PTBP2: variants seen among roughly 807,000 people sequenced by gnomAD.
The protein encoded by PTBP2 is polypyrimidine tract binding protein 2, also known as polypyrimidine tract-binding protein 2.
In PTBP2, 13 loss-of-function variants were observed where a neutral mutation model predicts 61.4. The observed-to-expected ratio is 0.21, with a 90% CI of 0.14 to 0.34. The LOEUF (loss-of-function observed/expected upper bound fraction) is 0.34, where lower values mean the gene tolerates loss of function less well. PTBP2 is among the 10% of genes least tolerant of loss of function. The pLI is 1.00. For missense variants in PTBP2, 405 were observed against 642.6 expected (o/e 0.63, Z 4.00); for synonymous variants, 215 against 218.5 (o/e 0.98, Z 0.14).
chr1:96,726,107 A>T lies in PTBP2; in HGVS notation c.39+2513A>T, dbSNP rs1454389282. On this transcript the variant is annotated intron_variant, in intron 2 of 13. Coordinates refer to ENST00000674951, the MANE Select transcript of PTBP2 (RefSeq NM_021190.4). The stretch of plus-strand genomic sequence containing the variant: ...AAAAAAAAAAAAAAAAAAAAAAAAA[A>T]AAAATTCAAACTGCTTCACAGCTTT... Among the ~76,000 whole-genome samples the T allele has an allele frequency of 1.2e-4, 17 of 141,334 alleles. No individual in the cohort carries two copies. The East Asian group carries it at 3.6e-3, about 30-fold the overall frequency. The allele number at this position is 141,334 out of a possible 152,430, so 92.7% of individuals were successfully genotyped here. A position where few individuals can be genotyped will look rare whatever the true frequency, so the allele number is the denominator to read the frequency against.
At chr1:96,722,031 C>T (rs903934423) in intron 1 of PTBP2, among the ~76,000 whole-genome samples, 159 bp downstream of exon 1, 1 of 152,010 alleles carries the variant, frequency 6.6e-6, no homozygotes, top group African/African-American at 2.4e-5. Flanking sequence ...CCCTTTGCTT[C>T]CCCCGGCGGG....
downstream of PTBP2, chr1:96,819,336 C>T (rs1028020950): frequency 1.3e-5 from 2 of 151,970 alleles, no homozygotes; most frequent in Non-Finnish European, 1.5e-5. Context: ...AGTATGCCTT[C>T]AGGGGCTATT....
intron 2 of PTBP2, among the ~76,000 whole-genome samples, chr1:96,747,024 T>A (rs1035925477): frequency 4.0e-5 from 6 of 151,516 alleles, no homozygotes; most frequent in East Asian, 3.9e-4. Flanking sequence ...GCAATACAAG[T>A]GATCCTGTCA....
intron 7 of PTBP2, among the ~76,000 whole-genome samples, chr1:96,783,182 C>T (rs1355488085): frequency 6.6e-6 from 1 of 151,922 alleles, no homozygotes; most frequent in Non-Finnish European, 1.5e-5. Flanking sequence ...ATTTTACTCC[C>T]TTTCTTATTT....
intron 4 of PTBP2, among the ~76,000 whole-genome samples, chr1:96,770,224 A>G (rs1347208570): frequency 1.3e-5 from 2 of 152,062 alleles, no homozygotes; most frequent in Admixed American, 6.5e-5. Context: ...TTATGAGAAT[A>G]TGAAATTTTA....
chr1:96,791,826 C>CTTTTTTTTGTATTTTTTTTTTT (rs1482989030), intron 8 of PTBP2, among the ~76,000 whole-genome samples: 1 of 66,128 alleles, frequency 1.5e-5, no homozygotes, highest in African/African-American at 8.2e-5. Context: ...TGGAGTTGTG[C>CTTTTTTTTGTATTTTTTTTTTT]TTTTTTTTTT....
Position 96,721,882 on chromosome 1 carries a change from C to A in PTBP2, c.8+10C>A. ...GTTCGGCAATGGACGGGTATGTAATCGGGCCGGCGAGAAGGTGTGTGTGAG... is the reference window on the plus strand; with the variant it reads ...GTTCGGCAATGGACGGGTATGTAATAGGGCCGGCGAGAAGGTGTGTGTGAG... On this transcript the variant is annotated intron_variant, in intron 1 of 13. Coordinates refer to ENST00000674951, the MANE Select transcript of PTBP2 (RefSeq NM_021190.4). 6.3e-7 allele frequency: 1 copy of A among 1,574,848 alleles called. No homozygotes were observed. The highest frequency in any genetic ancestry group is 8.6e-7 in the Non-Finnish European group (1 of 1,160,020).
intron 2 of PTBP2, among the ~76,000 whole-genome samples, chr1:96,728,698 C>G (rs540713551): frequency 6.6e-6 from 1 of 151,938 alleles, no homozygotes; most frequent in African/African-American, 2.4e-5. Context: ...TGAGTCAGTT[C>G]TTAGAAAAAC....
At chr1:96,755,264 T>C (rs1237502771) in intron 3 of PTBP2, among the ~76,000 whole-genome samples, 2 of 152,194 alleles carry the variant, frequency 1.3e-5, no homozygotes, top group African/African-American at 2.4e-5. Context: ...TCATTAGTTA[T>C]TAGGGAAATG....
rs1040390548 is a variant in PTBP2 at position 96,814,241 on chromosome 1, G to A, written c.*836G>A. 3.9e-5 allele frequency: 6 copies of A among 152,600 alleles called. No individual in the cohort carries two copies. Among genetic ancestry groups the A allele is most frequent in the African/African-American group, 1.2e-4 (5 of 41,558 alleles). 9.5% of individuals were successfully genotyped at this position (152,600 alleles called of 1,614,324 possible). A position where few individuals can be genotyped will look rare whatever the true frequency, so the allele number is the denominator to read the frequency against. ...TGTTTTTGAAGTTGACATGACTTAC[G>A]TGCATTTAAATATATATTGCCATCC... On this transcript the variant is annotated 3_prime_UTR_variant, in exon 14 of 14. Coordinates refer to ENST00000674951, the MANE Select transcript of PTBP2 (RefSeq NM_021190.4).
intron 1 of PTBP2, among the ~76,000 whole-genome samples, chr1:96,723,067 A>C (rs1028681781): frequency 4.6e-5 from 7 of 152,224 alleles, no homozygotes; most frequent in South Asian, 4.1e-4. Context: ...ATTTTATAAA[A>C]GTTAACACAG....
At chr1:96,762,688 C>G (rs906292451) in intron 3 of PTBP2, among the ~76,000 whole-genome samples, 2 of 150,930 alleles carry the variant, frequency 1.3e-5, no homozygotes, top group African/African-American at 4.9e-5. Context: ...CCCCACCTCC[C>G]TCCTGGATGG....
At chr1:96,808,722 T>G (rs979260655) in intron 11 of PTBP2, among the ~76,000 whole-genome samples, 3 of 152,144 alleles carry the variant, frequency 2.0e-5, no homozygotes, top group Non-Finnish European at 4.4e-5. Flanking sequence ...CATTTCTCAT[T>G]GCTGCTAGGT....
At chr1:96,809,831 C>T (rs888884366) in intron 11 of PTBP2, among the ~76,000 whole-genome samples, 12 of 151,768 alleles carry the variant, frequency 7.9e-5, no homozygotes, top group East Asian at 1.9e-4. Flanking sequence ...GAAGTCTTGA[C>T]GGGAAGTTTT....
At chr1:96,729,877 C>T (rs11165707) in intron 2 of PTBP2, among the ~76,000 whole-genome samples, 44,285 of 151,770 alleles carry the variant, frequency 0.29, 7,192 homozygotes, top group East Asian at 0.44. Context: ...GCTGGGATCA[C>T]AGGCACACAC....
At chr1:96,773,997 C>A (rs1657714190) in intron 5 of PTBP2, among the ~76,000 whole-genome samples, 1 of 150,392 alleles carries the variant, frequency 6.6e-6, no homozygotes, top group African/African-American at 2.4e-5. Flanking sequence ...CTGGTACCAG[C>A]AGGGCACTTT....
At chr1:96,744,482 A>G (rs962043429) in intron 2 of PTBP2, among the ~76,000 whole-genome samples, 2 of 152,214 alleles carry the variant, frequency 1.3e-5, no homozygotes, top group African/African-American at 2.4e-5. Context: ...GTCTTATTAC[A>G]TAGAACAGAA....
In PTBP2 at chr1:96,811,563, C is replaced by T. The variant is rs573484295; in HGVS notation, c.1172-1149C>T. On this transcript the variant is annotated intron_variant, in intron 11 of 13. Coordinates refer to ENST00000674951, the MANE Select transcript of PTBP2 (RefSeq NM_021190.4). ...TCCTGAGTAACTGGGACCACAGGCA[C>T]GAGCCACCACGCCCAGCTAATTTTT... Among the ~76,000 whole-genome samples the T allele has an allele frequency of 4.1e-3, 620 of 152,130 alleles. 4 individuals are homozygous for T. Among genetic ancestry groups the T allele is most frequent in the Non-Finnish European group, 6.9e-3 (468 of 67,980 alleles).
At chr1:96,804,150 T>C (rs767087757) in intron 8 of PTBP2, among the ~76,000 whole-genome samples, 10 of 152,194 alleles carry the variant, frequency 6.6e-5, no homozygotes, top group Admixed American at 2.0e-4. Flanking sequence ...CTGTGTTGTA[T>C]AGTGATGGTT....
Sources: allele counts gnomAD v4.1 joint callset (sites outside exome capture counted in the v4.1 genomes callset), GRCh38; gene constraint gnomAD v4.1.1; transcripts MANE v1.5; gene names NCBI Gene and HGNC (gene_info 2026-07-23, HGNC 2026-07-21).